Variants in SCAND3 observed in about 807,000 individuals in gnomAD.
SCAND3 encodes the protein SCAN domain containing 3, also known as SCAN domain-containing protein 3.
At chr6:28,613,829 A>G in the SCAND3 span, among the ~76,000 whole-genome samples, 3 of 152,228 alleles carry the variant, frequency 2.0e-5, no homozygotes, top group Non-Finnish European at 4.4e-5. Context: ...ATGGTGTCTA[A>G]AAAGTCCAAG....
the SCAND3 span, among the ~76,000 whole-genome samples, chr6:28,593,899 T>C: frequency 6.6e-6 from 1 of 151,978 alleles, no homozygotes; most frequent in Non-Finnish European, 1.5e-5. Context: ...GAGATGGTGG[T>C]CTCCTTATGT....
the SCAND3 span, chr6:28,575,863 ACAAG>A: frequency 6.2e-7 from 1 of 1,614,118 alleles, no homozygotes; most frequent in Non-Finnish European, 8.5e-7. The surrounding 1 kb of genome is among the most constrained non-coding windows in gnomAD (Gnocchi z 4.2). Context: ...ATTTCCTTGT[ACAAG>A]GATAACATCA....
the SCAND3 span, among the ~76,000 whole-genome samples, chr6:28,582,780 G>A: frequency 8.5e-5 from 13 of 152,162 alleles, no homozygotes; most frequent in Middle Eastern, 6.8e-3. The surrounding 1 kb of genome is among the most constrained non-coding windows in gnomAD (Gnocchi z 4.8). Context: ...AATTAGCTGG[G>A]CGTGGTGGCG....
the SCAND3 span, among the ~76,000 whole-genome samples, chr6:28,596,995 C>T: frequency 6.6e-6 from 1 of 151,878 alleles, no homozygotes. Context: ...TTTCTATAGC[C>T]CTCAATTAAT....
chr6:28,613,953 CTTTCT>C, the SCAND3 span, among the ~76,000 whole-genome samples: 15 of 151,716 alleles, frequency 9.9e-5, no homozygotes, highest in South Asian at 2.1e-4. Context: ...AACAATTCCA[CTTTCT>C]TTTCTTTTCT....
At chr6:28,571,821 G>T in the SCAND3 span, 1 of 1,488,600 alleles carries the variant, frequency 6.7e-7, no homozygotes, top group African/African-American at 1.4e-5. Flanking sequence ...TAACTAGACA[G>T]AAAGTTTAAA....
chr6:28,614,983 A>G, the SCAND3 span, among the ~76,000 whole-genome samples: 2 of 152,130 alleles, frequency 1.3e-5, no homozygotes, highest in Admixed American at 6.6e-5. Context: ...TATACTGGAA[A>G]CCTCTTTAAT....
the SCAND3 span, chr6:28,575,978 T>A: frequency 9.3e-6 from 15 of 1,613,770 alleles, no homozygotes; most frequent in African/African-American, 1.7e-4. The surrounding 1 kb of genome is among the most constrained non-coding windows in gnomAD (Gnocchi z 4.2). Context: ...TTAGAAAATA[T>A]CTTAGTATTA....
At chr6:28,586,535 C>T in the SCAND3 span, 1 of 1,614,254 alleles carries the variant, frequency 6.2e-7, no homozygotes, top group Non-Finnish European at 8.5e-7. The surrounding 1 kb of genome is among the most constrained non-coding windows in gnomAD (Gnocchi z 4.4). Context: ...CAGGTGTCTC[C>T]TGATAGCAGA....
chr6:28,602,362 CTACACCCACCTAGTTTTGTGTTT>C, the SCAND3 span, among the ~76,000 whole-genome samples: 1 of 152,124 alleles, frequency 6.6e-6, no homozygotes, highest in African/African-American at 2.4e-5. Context: ...GTGCTCACCA[CTACACCCACCTAGTTTTGTGTTT>C]TTAGTAGAGA....
chr6:28,572,334 C>T, the SCAND3 span: 30 of 1,601,290 alleles, frequency 1.9e-5, no homozygotes, highest in Middle Eastern at 1.6e-4. This position sits in a 1 kb window ranked among gnomAD's most constrained non-coding sequence, Gnocchi z 4.1. Context: ...AACATTCTAA[C>T]AAATTTGTAA....
chr6:28,584,813 C>T, the SCAND3 span, among the ~76,000 whole-genome samples: 1 of 152,204 alleles, frequency 6.6e-6, no homozygotes. Flanking sequence ...CTCGTCTGCA[C>T]AGACAGTTTA....
the SCAND3 span, chr6:28,576,073 T>C: frequency 2.5e-6 from 4 of 1,613,478 alleles, no homozygotes; most frequent in Non-Finnish European, 2.5e-6. Flanking sequence ...TTCATTAGTA[T>C]CTAAGCTACT....
chr6:28,585,334 A>T, the SCAND3 span: 1 of 152,196 alleles, frequency 6.6e-6, no homozygotes, highest in Admixed American at 6.5e-5. Context: ...TTAGCAAAAA[A>T]TACACAAAGA....
At chr6:28,579,476 C>G in the SCAND3 span, 1 of 1,456,692 alleles carries the variant, frequency 6.9e-7, no homozygotes, top group South Asian at 1.3e-5. The surrounding 1 kb of genome is among the most constrained non-coding windows in gnomAD (Gnocchi z 4.5). Context: ...TTTGTCATAG[C>G]TAAACTTGTA....
chr6:28,582,556 G>C, the SCAND3 span, among the ~76,000 whole-genome samples: 65 of 152,258 alleles, frequency 4.3e-4, no homozygotes, highest in Non-Finnish European at 2.9e-5. This position sits in a 1 kb window ranked among gnomAD's most constrained non-coding sequence, Gnocchi z 4.8. Flanking sequence ...CAGGATTTAT[G>C]GGGAAAATAC....
chr6:28,585,776 C>G, the SCAND3 span, among the ~76,000 whole-genome samples: 1 of 152,144 alleles, frequency 6.6e-6, no homozygotes, highest in Non-Finnish European at 1.5e-5. Flanking sequence ...AGAAACAACT[C>G]CACTGTAATG....
chr6:28,587,708 C>T, the SCAND3 span: 1 of 152,072 alleles, frequency 6.6e-6, no homozygotes, highest in Admixed American at 6.6e-5. Context: ...TTCCCTTTCA[C>T]CCTAAATCAG....
At chr6:28,584,959 GAGAA>G in the SCAND3 span, among the ~76,000 whole-genome samples, 4 of 152,110 alleles carry the variant, frequency 2.6e-5, no homozygotes, top group Non-Finnish European at 5.9e-5. Context: ...CTTTAACTCT[GAGAA>G]AGACTGCATT....
Sources: gnomAD v4.1 joint callset for allele counts (sites outside exome capture counted in the v4.1 genomes callset) on GRCh38, gnomAD v4.1.1 for gene constraint, Gnocchi (gnomAD v3.1) non-coding constraint, MANE v1.5 for transcripts, NCBI Gene and HGNC (gene_info 2026-07-23, HGNC 2026-07-21) for gene names.